LRRC49: variants seen among roughly 807,000 people sequenced by gnomAD.
The protein encoded by LRRC49 is leucine rich repeat containing 49, also known as leucine-rich repeat-containing protein 49.
A neutral mutation model predicts 83.3 loss-of-function variants in LRRC49; 50 were observed. The observed-to-expected ratio is 0.60, with a 90% CI of 0.48 to 0.76. The LOEUF is 0.76. Ranked by LOEUF, LRRC49 falls within the 30% of genes least tolerant of loss-of-function variation. The pLI, the probability that LRRC49 is intolerant of heterozygous loss-of-function variation, is 0.00. For missense variants in LRRC49, 704 were observed against 809.1 expected (o/e 0.87, Z 1.58); for synonymous variants, 286 against 283.3 (o/e 1.01, Z -0.10).
In LRRC49 at chr15:70,958,997, T is replaced by C. The variant is rs1302290877; in HGVS notation, c.774-4788T>C. Among the ~76,000 whole-genome samples, 4 of 152,324 alleles carry C rather than the reference T, an allele frequency of 2.6e-5. No homozygotes were observed. In the East Asian group the frequency reaches 7.7e-4, roughly 29 times the overall value. On this transcript the variant is annotated intron_variant, in intron 8 of 15. Transcript: ENST00000260382. ...AATATTCTATATCATCTAGCTTTTC[T>C]TGACACAGTGAGAAGAGATATTTAA...
At chr15:70,935,601 C>T (rs1035551822) in intron 7 of LRRC49, among the ~76,000 whole-genome samples, 6 of 152,086 alleles carry the variant, frequency 3.9e-5, no homozygotes, top group Non-Finnish European at 8.8e-5. Flanking sequence ...TTTATGGAAA[C>T]AGTAAAACAA....
intron 11 of LRRC49, among the ~76,000 whole-genome samples, chr15:70,989,009 G>C (rs1485188854): frequency 2.0e-5 from 3 of 152,196 alleles, no homozygotes; most frequent in Admixed American, 1.3e-4. Context: ...GAGATCTGCT[G>C]TTAGTCTGAT....
chr15:70,985,116 A>T (rs1311100571), intron 11 of LRRC49, among the ~76,000 whole-genome samples: 2 of 149,068 alleles, frequency 1.3e-5, no homozygotes, highest in Non-Finnish European at 3.0e-5. Flanking sequence ...TTATAGCAGC[A>T]TGATTTATAG....
At chr15:71,011,319 C>T (rs1018152333) in intron 13 of LRRC49, among the ~76,000 whole-genome samples, 2 of 151,840 alleles carry the variant, frequency 1.3e-5, no homozygotes, top group African/African-American at 2.4e-5. Flanking sequence ...GGTAACACAC[C>T]GTTACCTCAG....
At chr15:71,021,093 AT>A (rs2038980693) in intron 14 of LRRC49, among the ~76,000 whole-genome samples, 1 of 152,230 alleles carries the variant, frequency 6.6e-6, no homozygotes, top group East Asian at 1.9e-4. Flanking sequence ...AAGTTTACAA[AT>A]TTATGTTGGG....
intron 1 of LRRC49, among the ~76,000 whole-genome samples, chr15:70,872,404 G>A (rs986152839): frequency 6.6e-6 from 1 of 150,774 alleles, no homozygotes; most frequent in African/African-American, 2.4e-5. Flanking sequence ...AGACGGAGAC[G>A]TAGGGGAGAG....
intron 2 of LRRC49, among the ~76,000 whole-genome samples, chr15:70,886,712 A>G (rs2033416917): frequency 6.6e-6 from 1 of 152,126 alleles, no homozygotes; most frequent in South Asian, 2.1e-4. Flanking sequence ...CTAAAAATAC[A>G]AAAATTAGCT....
chr15:70,916,944 G>A (rs1044432346), intron 6 of LRRC49, among the ~76,000 whole-genome samples: 16 of 152,166 alleles, frequency 1.1e-4, no homozygotes, highest in Non-Finnish European at 1.5e-4. Flanking sequence ...TCACTCTCCC[G>A]ACAGGTTCTG....
chr15:71,004,085 T>C (rs1333343549), intron 11 of LRRC49, among the ~76,000 whole-genome samples: 1 of 152,200 alleles, frequency 6.6e-6, no homozygotes, highest in East Asian at 1.9e-4. Flanking sequence ...AAAACTTGCA[T>C]TGAATATAAT....
At chr15:70,857,724 C>T (rs2032687006) in intron 1 of LRRC49, among the ~76,000 whole-genome samples, 2 of 152,258 alleles carry the variant, frequency 1.3e-5, no homozygotes, top group South Asian at 4.2e-4. Flanking sequence ...TAACAGAAAT[C>T]CATATAGGGA....
intron 15 of LRRC49, among the ~76,000 whole-genome samples, chr15:71,044,802 T>G (rs998114923): frequency 4.0e-5 from 6 of 151,632 alleles, no homozygotes; most frequent in African/African-American, 1.5e-4. Flanking sequence ...ATAAATTAAT[T>G]TAAAAAATCA....
intron 11 of LRRC49, among the ~76,000 whole-genome samples, chr15:71,006,407 C>T (rs996907213): frequency 6.6e-6 from 1 of 152,034 alleles, no homozygotes; most frequent in Admixed American, 6.6e-5. Context: ...CTCTGATTCC[C>T]CATCATTTTT....
chr15:71,042,539 C>T (rs2039727952), intron 15 of LRRC49, among the ~76,000 whole-genome samples: 1 of 152,138 alleles, frequency 6.6e-6, no homozygotes, highest in Non-Finnish European at 1.5e-5. Context: ...ATCACTCTCT[C>T]GACTCACAGC....
intron 11 of LRRC49, among the ~76,000 whole-genome samples, chr15:71,001,971 G>A (rs904128125): frequency 9.2e-5 from 14 of 152,268 alleles, no homozygotes; most frequent in African/African-American, 2.2e-4. Context: ...GATTACAGGC[G>A]TGAGCCACCG....
intron 14 of LRRC49, among the ~76,000 whole-genome samples, chr15:71,034,793 A>G (rs1321546978): frequency 6.6e-6 from 1 of 152,206 alleles, no homozygotes; most frequent in East Asian, 1.9e-4. Flanking sequence ...TAACACAGGA[A>G]CAGACAACCA....
intron 8 of LRRC49, among the ~76,000 whole-genome samples, chr15:70,938,233 G>A (rs962571909): frequency 2.6e-5 from 4 of 152,010 alleles, no homozygotes; most frequent in Non-Finnish European, 4.4e-5. Flanking sequence ...GTTGGTTTTG[G>A]TTGCCTATAT....
intron 7 of LRRC49, among the ~76,000 whole-genome samples, chr15:70,935,985 C>G (rs2035582571): frequency 6.6e-6 from 1 of 152,064 alleles, no homozygotes; most frequent in African/African-American, 2.4e-5. Flanking sequence ...TAAATCTTTT[C>G]AGAAGGTTTA....
At chr15:71,021,199 G>A (rs982029940) in intron 14 of LRRC49, among the ~76,000 whole-genome samples, 1 of 152,190 alleles carries the variant, frequency 6.6e-6, no homozygotes, top group East Asian at 1.9e-4. Flanking sequence ...ATTTTGTGGG[G>A]TTTAAAAATA....
At chr15:71,021,780 C>T (rs1464750296) in intron 14 of LRRC49, among the ~76,000 whole-genome samples, 2 of 152,156 alleles carry the variant, frequency 1.3e-5, no homozygotes, top group Non-Finnish European at 2.9e-5. Flanking sequence ...CACATGGTCT[C>T]TCATACTCCA....
Sources: allele counts gnomAD v4.1 joint callset (sites outside exome capture counted in the v4.1 genomes callset), GRCh38; gene constraint gnomAD v4.1.1; transcripts MANE v1.5; gene names NCBI Gene and HGNC (gene_info 2026-07-23, HGNC 2026-07-21).